The following UNC5D variants were observed in gnomAD, a reference collection of about 807,000 sequenced individuals.
The protein encoded by UNC5D is unc-5 netrin receptor D, also known as netrin receptor UNC5D.
A neutral mutation model predicts 105.4 loss-of-function variants in UNC5D; 39 were observed. The observed-to-expected ratio is 0.37, with a 90% CI of 0.29 to 0.48. UNC5D has a LOEUF of 0.48. Ranked by LOEUF, UNC5D falls within the 20% of genes least tolerant of loss-of-function variation. The pLI, the probability that UNC5D is intolerant of heterozygous loss-of-function variation, is 0.98. For synonymous variants in UNC5D, 452 were observed against 450.4 expected (o/e 1.00, Z -0.04); for missense variants, 991 against 1,202.4 (o/e 0.82, Z 2.60).
At chr8:35,236,442 T>TTGGCTTGGCGGAGGCCGCGTGTGTGCG (rs1802470357) in intron 1 of UNC5D, among the ~76,000 whole-genome samples, 2 of 152,002 alleles carry the variant, frequency 1.3e-5, no homozygotes, top group East Asian at 2.0e-4. Flanking sequence ...CAGCCAGCCC[T>TTGGCTTGGCGGAGGCCGCGTGTGTGCG]GGAGCTCGGG....
intron 1 of UNC5D, among the ~76,000 whole-genome samples, chr8:35,358,925 A>T (rs539008650): frequency 6.6e-6 from 1 of 152,232 alleles, no homozygotes; most frequent in Non-Finnish European, 1.5e-5. Flanking sequence ...TGAGTTAAGA[A>T]TTGGTATATT....
chr8:35,356,656 C>T (rs1801575001), intron 1 of UNC5D, among the ~76,000 whole-genome samples: 1 of 150,300 alleles, frequency 6.7e-6, no homozygotes, highest in African/African-American at 2.5e-5. Flanking sequence ...CCTTATTCAA[C>T]TGGGAACTTT....
intron 1 of UNC5D, among the ~76,000 whole-genome samples, chr8:35,282,825 A>G (rs139627001): frequency 2.8e-4 from 43 of 152,202 alleles, no homozygotes; most frequent in Non-Finnish European, 5.9e-4. Context: ...TTCAAATAGT[A>G]CTAATGGAAC....
chr8:35,553,425 G>A (rs1382492872), intron 2 of UNC5D, among the ~76,000 whole-genome samples: 2 of 151,556 alleles, frequency 1.3e-5, no homozygotes, highest in East Asian at 3.9e-4. Flanking sequence ...ATTCATAAAT[G>A]ACCAAATCTG....
intron 1 of UNC5D, among the ~76,000 whole-genome samples, chr8:35,482,844 C>T (rs1297637550): frequency 7.4e-6 from 1 of 134,376 alleles, no homozygotes; most frequent in African/African-American, 3.0e-5. Flanking sequence ...CTCTCGTCCC[C>T]CAGGCTGGAG....
intron 7 of UNC5D, among the ~76,000 whole-genome samples, chr8:35,693,775 T>G (rs962375141): frequency 2.0e-5 from 3 of 152,170 alleles, no homozygotes; most frequent in Non-Finnish European, 2.9e-5. Context: ...TCCACTATGC[T>G]TGCATTCTTT....
chr8:35,578,462 T>C (rs1173776874), intron 3 of UNC5D, among the ~76,000 whole-genome samples: 1 of 152,134 alleles, frequency 6.6e-6, no homozygotes, highest in Non-Finnish European at 1.5e-5. Flanking sequence ...AGCCACCAGA[T>C]AGACATGGCA....
chr8:35,458,256 C>T (rs1474998602), intron 1 of UNC5D, among the ~76,000 whole-genome samples: 1 of 152,104 alleles, frequency 6.6e-6, no homozygotes, highest in African/African-American at 2.4e-5. Flanking sequence ...ACAGAAATGC[C>T]TCCCAGTACC....
chr8:35,236,801 C>T (rs1015665039), intron 1 of UNC5D, among the ~76,000 whole-genome samples: 1 of 152,152 alleles, frequency 6.6e-6, no homozygotes, highest in African/African-American at 2.4e-5. Context: ...GGAGCTTTAC[C>T]TTTGAAAAAA....
At chr8:35,351,900 A>G (rs1812265135) in intron 1 of UNC5D, among the ~76,000 whole-genome samples, 1 of 152,168 alleles carries the variant, frequency 6.6e-6, no homozygotes, top group South Asian at 2.1e-4. Context: ...TATAGAAGGT[A>G]GAAACATGCA....
At chr8:35,669,828 A>G (rs556755830) in intron 4 of UNC5D, among the ~76,000 whole-genome samples, 1 of 152,156 alleles carries the variant, frequency 6.6e-6, no homozygotes, top group Non-Finnish European at 1.5e-5. Flanking sequence ...AAAAAAATCC[A>G]AGTCCAGTTT....
chr8:35,535,648 G>A (rs1196751130), intron 1 of UNC5D, among the ~76,000 whole-genome samples: 6 of 152,070 alleles, frequency 3.9e-5, no homozygotes, highest in Middle Eastern at 3.4e-3. Flanking sequence ...AAAAAAATAC[G>A]TAAAATATTC....
At chr8:35,515,042 G>A (rs923195274) in intron 1 of UNC5D, among the ~76,000 whole-genome samples, 3 of 152,204 alleles carry the variant, frequency 2.0e-5, no homozygotes, top group African/African-American at 7.2e-5. Flanking sequence ...GCTGTGGATG[G>A]ATTTCCGGTG....
chr8:35,736,095 T>A (rs940908196), intron 11 of UNC5D, among the ~76,000 whole-genome samples: 1 of 152,168 alleles, frequency 6.6e-6, no homozygotes, highest in Non-Finnish European at 1.5e-5. Context: ...TCCTGGCACC[T>A]TTGAGGGCCT....
At chr8:35,374,532 A>G (rs1802588972) in intron 1 of UNC5D, among the ~76,000 whole-genome samples, 1 of 152,244 alleles carries the variant, frequency 6.6e-6, no homozygotes, top group Admixed American at 6.5e-5. Flanking sequence ...GAATGAGACT[A>G]GACCAAAAGG....
chr8:35,779,517 G>A (rs1802407148), intron 16 of UNC5D, among the ~76,000 whole-genome samples: 1 of 152,070 alleles, frequency 6.6e-6, no homozygotes, highest in Non-Finnish European at 1.5e-5. Flanking sequence ...GGAGTGCAGT[G>A]GCACAATCTC....
intron 8 of UNC5D, among the ~76,000 whole-genome samples, chr8:35,713,618 C>T (rs1288385814): frequency 1.3e-5 from 2 of 152,314 alleles, no homozygotes; most frequent in East Asian, 3.9e-4. Flanking sequence ...GTCAAACTTT[C>T]ATTTGTTCAA....
intron 4 of UNC5D, among the ~76,000 whole-genome samples, chr8:35,615,254 T>C (rs1820966438): frequency 1.3e-5 from 2 of 152,216 alleles, no homozygotes; most frequent in South Asian, 2.1e-4. Flanking sequence ...TAGGTGCTTG[T>C]CTTTGCTTCC....
rs73579034 is a variant in UNC5D at position 35,242,277 on chromosome 8, A to G, written c.103+6390A>G. ...CCTAAATTGAATGCTATGGCTTCCC[A>G]GTCAGATAAGTCAGAGGGGAAATGA... On this transcript the variant is annotated intron_variant, in intron 1 of 16. Transcript: ENST00000404895. Among the ~76,000 whole-genome samples, 466 of 152,282 alleles carry G rather than the reference A, an allele frequency of 3.1e-3. 2 individuals are homozygous for G. Among genetic ancestry groups the G allele is most frequent in the African/African-American group, 0.01 (422 of 41,548 alleles).
Sources: gnomAD v4.1 joint callset for allele counts (sites outside exome capture counted in the v4.1 genomes callset) on GRCh38, gnomAD v4.1.1 for gene constraint, MANE v1.5 for transcripts, NCBI Gene and HGNC (gene_info 2026-07-23, HGNC 2026-07-21) for gene names.